HSPB6: variants seen among roughly 807,000 people sequenced by gnomAD.
HSPB6 encodes the protein heat shock protein family B (small) member 6.
Under a neutral mutation model 10.7 loss-of-function variants are expected in HSPB6, and 8 were observed. That is an observed-to-expected ratio of 0.75 (90% CI 0.44 to 1.35). HSPB6 has a LOEUF of 1.35. Ranked by LOEUF, HSPB6 falls within the 40% of genes most tolerant of loss-of-function variation. HSPB6 has a pLI of 0.00. For missense variants in HSPB6, 232 were observed against 236.0 expected, an observed-to-expected ratio of 0.98 and a Z score of 0.11; for synonymous variants, 128 against 114.2, an observed-to-expected ratio of 1.12 and a Z score of -0.77.
In HSPB6 at chr19:35,755,497, G is replaced by T. The variant is rs948120700; in HGVS notation, c.*25C>A. On this transcript the variant is annotated 3_prime_UTR_variant, in exon 3 of 3. Transcript: ENST00000004982. Reference sequence around the variant, plus strand: ...AGAGGGAGCCTGAGGAGGCTCCCGGGGTGCGGGCGCGGCCCAGCCCCCTCC... The same window carrying T: ...AGAGGGAGCCTGAGGAGGCTCCCGGTGTGCGGGCGCGGCCCAGCCCCCTCC... 4.0e-6 allele frequency: 6 copies of T among 1,514,320 alleles called. No individual in the cohort carries two copies. In the African/African-American group the frequency reaches 7.0e-5, roughly 18 times the overall value. The allele number at this position is 1,514,320 out of a possible 1,614,324, so 93.8% of individuals were successfully genotyped here.
rs774260773 is a variant in HSPB6 at position 35,755,886 on chromosome 19, C to G, written c.207G>C (p.Thr69=). ...GCAGCACCGAAAAGTGGCCGGGGTC[C>G]GTCGGCACCTGAGCGCAGCGGGCGC... The part of the protein sequence containing the change: ...SVALPVAQVP[T]DPGHFSVLLD... The change falls in exon 2 of 3, where the codon ACG becomes ACC. Residue 69 remains threonine, a synonymous_variant. Coordinates refer to ENST00000004982, the MANE Select transcript of HSPB6 (RefSeq NM_144617.3). 6.4e-7 allele frequency: 1 copy of G among 1,568,226 alleles called. No individual in the cohort carries two copies. The highest frequency in any genetic ancestry group is 1.4e-5 in the African/African-American group (1 of 73,496).
At chr19:35,756,452 C>G (rs1339153282) in intron 1 of HSPB6, among the ~76,000 whole-genome samples, 4 of 152,302 alleles carry the variant, frequency 2.6e-5, no homozygotes, top group Middle Eastern at 3.4e-3. Context: ...TCAACTCTTC[C>G]CCGAGACTAA....
chr19:35,755,699 G>A lies in HSPB6; in HGVS notation c.322-16C>T. On this transcript the variant is annotated splice_polypyrimidine_tract_variant and intron_variant, in intron 2 of 2. Transcript: ENST00000004982. Reference sequence around the variant, plus strand: ...CGTGCTCATCCTGGAGGGGAGGGAGGCTTGAGCGGCCCCGCCCCTCCGGCC... The same window carrying A: ...CGTGCTCATCCTGGAGGGGAGGGAGACTTGAGCGGCCCCGCCCCTCCGGCC... 2 of 1,529,472 alleles carry A rather than the reference G, an allele frequency of 1.3e-6. No individual in the cohort carries two copies. The highest frequency in any genetic ancestry group is 1.7e-4 in the Middle Eastern group (1 of 5,900). 94.7% of individuals were successfully genotyped at this position (1,529,472 alleles called of 1,614,324 possible). A position where few individuals can be genotyped will look rare whatever the true frequency, so the allele number is the denominator to read the frequency against.
rs1004843934 is a variant in HSPB6 at position 35,756,896 on chromosome 19, A to C, written c.113T>G (p.Leu38Arg). Residue 38 changes from leucine to arginine, a missense_variant, in exon 1 of 3, where the codon CTG becomes CGG. Transcript: ENST00000004982. Reference protein sequence around the residue: ...LFDQRFGEGLLEAELAALCPT... With the variant: ...LFDQRFGEGLREAELAALCPT... ...GCAGAGCGCAGCCAGCTCGGCCTCC[A>C]GCAGCCCCTCGCCGAAGCGCTGGTC... The C allele has an allele frequency of 6.5e-7, 1 of 1,538,852 alleles. No homozygotes were observed. Among genetic ancestry groups the C allele is most frequent in the Non-Finnish European group, 8.7e-7 (1 of 1,145,874 alleles).
rs529509517 is a variant in HSPB6 at position 35,755,990 on chromosome 19, GCTCA to G, written c.199-100_199-97del. ...CCACCCCCGTCGGTTCCGTGCCGCGGCTCACTCTGGCCTCCGGAGTTGAGCAGTC... is the reference window on the plus strand; with the variant it reads ...CCACCCCCGTCGGTTCCGTGCCGCGGCTCTGGCCTCCGGAGTTGAGCAGTC... On this transcript the variant is annotated intron_variant, in intron 1 of 2. Coordinates refer to ENST00000004982, the MANE Select transcript of HSPB6 (RefSeq NM_144617.3). The G allele has an allele frequency of 8.2e-5, 121 of 1,476,194 alleles. 2 individuals are homozygous for G. In the East Asian group the frequency reaches 3.0e-3, roughly 36 times the overall value. 91.4% of individuals were successfully genotyped at this position (1,476,194 alleles called of 1,614,324 possible). A position where few individuals can be genotyped will look rare whatever the true frequency, so the allele number is the denominator to read the frequency against.
Position 35,755,691 on chromosome 19 carries a change from G to A in HSPB6, c.322-8C>T. The A allele has an allele frequency of 2.6e-6, 4 of 1,532,420 alleles. No homozygotes were observed. The highest frequency in any genetic ancestry group is 3.5e-6 in the Non-Finnish European group (4 of 1,141,312). 94.9% of individuals were successfully genotyped at this position (1,532,420 alleles called of 1,614,324 possible). A position where few individuals can be genotyped will look rare whatever the true frequency, so the allele number is the denominator to read the frequency against. ...GACGAATCCGTGCTCATCCTGGAGGGGAGGGAGGCTTGAGCGGCCCCGCCC... is the reference window on the plus strand; with the variant it reads ...GACGAATCCGTGCTCATCCTGGAGGAGAGGGAGGCTTGAGCGGCCCCGCCC... On this transcript the variant is annotated splice_region_variant and splice_polypyrimidine_tract_variant and intron_variant, in intron 2 of 2. Coordinates refer to ENST00000004982, the MANE Select transcript of HSPB6 (RefSeq NM_144617.3).
rs1226090770 is a variant in HSPB6 at position 35,755,160 on chromosome 19, G to A, written c.*362C>T. The A allele has an allele frequency of 2.4e-6, 1 of 412,732 alleles. No homozygotes were observed. The highest frequency in any genetic ancestry group is 4.4e-6 in the Non-Finnish European group (1 of 226,546). 25.6% of individuals were successfully genotyped at this position (412,732 alleles called of 1,614,324 possible). A position where few individuals can be genotyped will look rare whatever the true frequency, so the allele number is the denominator to read the frequency against. Reference sequence around the variant, plus strand: ...AGGGATGGAAATGTAGTACCCGGATGTCTTTGTAGAGGACTCAGAAGGAAG... The same window carrying A: ...AGGGATGGAAATGTAGTACCCGGATATCTTTGTAGAGGACTCAGAAGGAAG... On this transcript the variant is annotated 3_prime_UTR_variant, in exon 3 of 3. Coordinates refer to ENST00000004982, the MANE Select transcript of HSPB6 (RefSeq NM_144617.3).
chr19:35,756,626 G>A (rs913333147), intron 1 of HSPB6, among the ~76,000 whole-genome samples, 185 bp downstream of exon 1: 1 of 150,240 alleles, frequency 6.7e-6, no homozygotes, highest in Non-Finnish European at 1.5e-5. Context: ...TAAGAGCGAC[G>A]GGGACCTCCC....
intron 1 of HSPB6, 129 bp downstream of exon 1, chr19:35,756,682 C>A: frequency 3.3e-6 from 3 of 912,898 alleles, no homozygotes; most frequent in Non-Finnish European, 5.0e-6. Flanking sequence ...ACTCCGGAAG[C>A]CCTTCGGAGC....
At position 35,755,892 on chromosome 19, in the gene HSPB6, C is replaced by T. The variant is rs981673240; in HGVS notation, c.201G>A (p.Val67=). Residue 67 remains valine, a splice_region_variant and synonymous_variant, in exon 2 of 3, where the codon GTG becomes GTA. Transcript: ENST00000004982. The stretch of plus-strand genomic sequence containing the variant: ...CCGAAAAGTGGCCGGGGTCCGTCGG[C>T]ACCTGAGCGCAGCGGGCGCGGGCGG... ...APSVALPVAQ[V]PTDPGHFSVL... The T allele has an allele frequency of 4.5e-6, 7 of 1,562,954 alleles. No individual in the cohort carries two copies. Among genetic ancestry groups the T allele is most frequent in the Non-Finnish European group, 5.2e-6 (6 of 1,155,256 alleles).
chr19:35,755,430 C>A lies in HSPB6; in HGVS notation c.*92G>T, dbSNP rs1970739788. The A allele has an allele frequency of 7.7e-7, 1 of 1,302,746 alleles. No individual in the cohort carries two copies. Among genetic ancestry groups the A allele is most frequent in the Admixed American group, 2.0e-5 (1 of 49,968 alleles). 80.7% of individuals were successfully genotyped at this position (1,302,746 alleles called of 1,614,324 possible). On this transcript the variant is annotated 3_prime_UTR_variant, in exon 3 of 3. Transcript: ENST00000004982. Reference sequence around the variant, plus strand: ...GTGGGTGAGAGGACAGTCCTTGGCGCACTCGGGACATCTGGCTGGGCGGAG... The same window carrying A: ...GTGGGTGAGAGGACAGTCCTTGGCGAACTCGGGACATCTGGCTGGGCGGAG...
In HSPB6 at chr19:35,756,880, A is replaced by T; in HGVS notation, c.129T>A (p.Ala43=). 1 of 1,537,786 alleles carries T rather than the reference A, an allele frequency of 6.5e-7. No homozygotes were observed. Among genetic ancestry groups the T allele is most frequent in the Non-Finnish European group, 8.7e-7 (1 of 1,145,780 alleles). ...GGGCGAGCGTGGTGGGGCAGAGCGC[A>T]GCCAGCTCGGCCTCCAGCAGCCCCT... ...FGEGLLEAEL[A]ALCPTTLAPY... Residue 43 remains alanine (A), a synonymous_variant, in exon 1 of 3, where the codon GCT becomes GCA. Coordinates refer to ENST00000004982, the MANE Select transcript of HSPB6 (RefSeq NM_144617.3).
rs1406761837 is a variant in HSPB6, at chr19:35,755,502, G to C, written c.*20C>G. 6 of 1,512,794 alleles carry C rather than the reference G, an allele frequency of 4.0e-6. No individual in the cohort carries two copies. The East Asian group carries it at 1.5e-4, about 38-fold the overall frequency. The allele number at this position is 1,512,794 out of a possible 1,614,324, so 93.7% of individuals were successfully genotyped here. On this transcript the variant is annotated 3_prime_UTR_variant, in exon 3 of 3. Coordinates refer to ENST00000004982, the MANE Select transcript of HSPB6 (RefSeq NM_144617.3). The stretch of plus-strand genomic sequence containing the variant: ...GAGCCTGAGGAGGCTCCCGGGGTGC[G>C]GGCGCGGCCCAGCCCCCTCCTACTT...
intron 1 of HSPB6, among the ~76,000 whole-genome samples, chr19:35,756,356 C>CT (rs1970755317): frequency 6.6e-6 from 1 of 152,162 alleles, no homozygotes; most frequent in Middle Eastern, 3.2e-3. Flanking sequence ...CCTTCCCCCA[C>CT]TTCAGAGTGG....
At chr19:35,755,725 C>A in intron 2 of HSPB6, 42 bp from the exon 3 acceptor site, 1 of 1,526,346 alleles carries the variant, frequency 6.6e-7, no homozygotes. Context: ...CCCTCCGGCC[C>A]GGCGGCGAGC....
chr19:35,755,285 G>C lies in HSPB6; in HGVS notation c.*237C>G. ...AGGGTAGTGCTGGTAGGGTCTGGAA[G>C]CCGGGGAGTTGTCGGTGTGGGGTCG... On this transcript the variant is annotated 3_prime_UTR_variant, in exon 3 of 3. Coordinates refer to ENST00000004982, the MANE Select transcript of HSPB6 (RefSeq NM_144617.3). The C allele has an allele frequency of 1.5e-6, 1 of 669,836 alleles. No individual in the cohort carries two copies. The highest frequency in any genetic ancestry group is 2.7e-6 in the Non-Finnish European group (1 of 372,950). 41.5% of individuals were successfully genotyped at this position (669,836 alleles called of 1,614,324 possible).
intron 1 of HSPB6, 137 bp from the exon 2 acceptor site, chr19:35,756,031 TG>T (rs1446973708): frequency 7.9e-7 from 1 of 1,264,788 alleles, no homozygotes; most frequent in African/African-American, 1.5e-5. Flanking sequence ...GCTCTCCTAC[TG>T]GGAGTCACCC....
At chr19:35,756,589 T>C (rs1016141173) in intron 1 of HSPB6, among the ~76,000 whole-genome samples, 6 of 152,104 alleles carry the variant, frequency 3.9e-5, no homozygotes, top group Admixed American at 3.9e-4. Flanking sequence ...TCTGGAGAGC[T>C]GAGAGCCCCC....
chr19:35,754,894 G>C lies in HSPB6; in HGVS notation c.*628C>G. On this transcript the variant is annotated 3_prime_UTR_variant, in exon 3 of 3. Coordinates refer to ENST00000004982, the MANE Select transcript of HSPB6 (RefSeq NM_144617.3). ...CTGGTGTCCAAGAGTTGGGGCAGTC[G>C]AAAAAGGGTTCCAGAGTCTGGTGTG... 1 of 309,540 alleles carries C rather than the reference G, an allele frequency of 3.2e-6. No homozygotes were observed. The highest frequency in any genetic ancestry group is 3.1e-5 in the South Asian group (1 of 32,040). 19.2% of individuals were successfully genotyped at this position (309,540 alleles called of 1,614,324 possible).
Sources: allele counts gnomAD v4.1 joint callset (sites outside exome capture counted in the v4.1 genomes callset), GRCh38; gene constraint gnomAD v4.1.1; transcripts MANE v1.5; gene names NCBI Gene and HGNC (gene_info 2026-07-23, HGNC 2026-07-21).